The following LHPP variants were observed in gnomAD, a reference collection of about 807,000 sequenced individuals.
LHPP encodes hLHPP.
In LHPP, 24 loss-of-function variants were observed where a neutral mutation model predicts 30.3. The ratio of observed to expected loss-of-function variants is 0.79; its 90% confidence interval spans 0.57 to 1.11. The LOEUF (loss-of-function observed/expected upper bound fraction) is 1.11. LHPP is among the 50% of genes most tolerant of loss of function. LHPP has a pLI of 0.00. For missense variants in LHPP, 356 were observed against 367.2 expected, an observed-to-expected ratio of 0.97 and a Z score of 0.25; for synonymous variants, 150 against 157.1, an observed-to-expected ratio of 0.95 and a Z score of 0.34.
At chr10:124,462,099 C>T (rs1403259086) in intron 1 of LHPP, 112 bp downstream of exon 1, 3 of 999,244 alleles carry the variant, frequency 3.0e-6, no homozygotes, top group African/African-American at 3.4e-5. Context: ...GCAGGCCCCG[C>T]CTCGGTCTCC....
At chr10:124,606,060 G>A (rs1014109094) in intron 6 of LHPP, among the ~76,000 whole-genome samples, 1 of 152,182 alleles carries the variant, frequency 6.6e-6, no homozygotes, top group Non-Finnish European at 1.5e-5. Flanking sequence ...TACCTGGAGG[G>A]CCCACCCCAC....
chr10:124,570,987 G>A (rs923004581), intron 6 of LHPP, among the ~76,000 whole-genome samples: 1 of 152,196 alleles, frequency 6.6e-6, no homozygotes, highest in African/African-American at 2.4e-5. Flanking sequence ...TCTTTCCCAT[G>A]TTGTTCTGTT....
At chr10:124,503,448 C>G (rs1463781376) in intron 5 of LHPP, among the ~76,000 whole-genome samples, 3 of 152,042 alleles carry the variant, frequency 2.0e-5, no homozygotes, top group African/African-American at 7.3e-5. Flanking sequence ...GACACCCCTG[C>G]TCTAGAGGTT....
chr10:124,463,820 CTTTTTTTT>C (rs35122241), intron 1 of LHPP, among the ~76,000 whole-genome samples: 1 of 120,776 alleles, frequency 8.3e-6, no homozygotes, highest in African/African-American at 3.0e-5. Context: ...ATTTTTTTTT[CTTTTTTTT>C]TTTTTTTTTT....
At chr10:124,597,046 C>A (rs1218434759) in intron 6 of LHPP, among the ~76,000 whole-genome samples, 4 of 152,168 alleles carry the variant, frequency 2.6e-5, no homozygotes, top group African/African-American at 9.7e-5. Context: ...TGGCTTTCAT[C>A]CGTCTCCCGT....
At chr10:124,497,951 C>A in intron 4 of LHPP, 85 bp from the exon 5 acceptor site, 1 of 1,067,884 alleles carries the variant, frequency 9.4e-7, no homozygotes, top group Non-Finnish European at 1.5e-6. Context: ...CTCTTGGGGG[C>A]ACATTTGGGA....
At chr10:124,605,801 T>C (rs1031552639) in intron 6 of LHPP, among the ~76,000 whole-genome samples, 5 of 136,262 alleles carry the variant, frequency 3.7e-5, no homozygotes, top group Non-Finnish European at 7.7e-5. Context: ...CCACTCTGGC[T>C]GCAAAAGAGG....
chr10:124,466,709 G>A (rs1198651155), intron 1 of LHPP, among the ~76,000 whole-genome samples: 1 of 151,874 alleles, frequency 6.6e-6, no homozygotes, highest in Non-Finnish European at 1.5e-5. Flanking sequence ...TGCCCACCTT[G>A]GACTCCCAAA....
intron 6 of LHPP, among the ~76,000 whole-genome samples, chr10:124,557,764 C>G (rs1724523574): frequency 6.6e-6 from 1 of 152,052 alleles, no homozygotes; most frequent in Admixed American, 6.6e-5. Context: ...AAGCAGGGTA[C>G]AGAGCACACT....
Position 124,590,900 on chromosome 10 carries a change from A to C in LHPP, c.717-22364A>C, listed in dbSNP as rs189051541. On this transcript the variant is annotated intron_variant, in intron 6 of 6. Transcript: ENST00000368842. The surrounding 1 kb of genome is among the most constrained non-coding windows in gnomAD (Gnocchi z 4.3). ...GGATGGGACTGTGTCATTGGTAAAC[A>C]CTGCAACAGGCCTCCTTTCCAGGAA... 1.3e-5 allele frequency among the ~76,000 whole-genome samples: 2 copies of C among 152,328 alleles called. No individual in the cohort carries two copies. Among genetic ancestry groups the C allele is most frequent in the African/African-American group, 4.8e-5 (2 of 41,572 alleles).
intron 6 of LHPP, among the ~76,000 whole-genome samples, chr10:124,589,936 G>A (rs1948858421): frequency 6.6e-6 from 1 of 152,166 alleles, no homozygotes; most frequent in African/African-American, 2.4e-5. Context: ...CGGGGCTCGG[G>A]AGCTGTCAGC....
chr10:124,599,829 G>T (rs1564847751), intron 6 of LHPP, among the ~76,000 whole-genome samples: 1 of 152,230 alleles, frequency 6.6e-6, no homozygotes, highest in African/African-American at 2.4e-5. Flanking sequence ...CACTCTGGGG[G>T]TGCTCGTCCC....
At chr10:124,462,332 A>G (rs1408486503) in intron 1 of LHPP, among the ~76,000 whole-genome samples, 1 of 152,174 alleles carries the variant, frequency 6.6e-6, no homozygotes, top group Non-Finnish European at 1.5e-5. Flanking sequence ...GGTGGCTCGC[A>G]TCTGTGATTC....
intron 6 of LHPP, among the ~76,000 whole-genome samples, chr10:124,550,274 G>A (rs1456929987): frequency 1.3e-5 from 2 of 152,224 alleles, no homozygotes; most frequent in African/African-American, 4.8e-5. Context: ...GCAGCTGCGG[G>A]GCAGGGGGCT....
chr10:124,613,234 CACTG>C (rs1949225548), intron 6 of LHPP, 26 bp from the exon 7 acceptor site: 3 of 1,539,188 alleles, frequency 1.9e-6, no homozygotes, highest in Non-Finnish European at 2.7e-6. Context: ...AGCGTGGGGG[CACTG>C]ACTAACCTCC....
Position 124,472,334 on chromosome 10 carries a change from A to C in LHPP, c.125+10347A>C, listed in dbSNP as rs540648253. Among the ~76,000 whole-genome samples the C allele has an allele frequency of 1.0e-3, 154 of 152,286 alleles. 1 individual carries two copies. Among genetic ancestry groups the C allele is most frequent in the African/African-American group, 3.1e-3 (128 of 41,556 alleles). ...TCTCAAAAAAAATGTTGAGGTCTGC[A>C]GCAGTGAACCACACAACACAGTTTA... On this transcript the variant is annotated intron_variant, in intron 1 of 6. Coordinates refer to ENST00000368842, the MANE Select transcript of LHPP (RefSeq NM_022126.4).
At chr10:124,567,124 C>T (rs984351165) in intron 6 of LHPP, among the ~76,000 whole-genome samples, 11 of 152,242 alleles carry the variant, frequency 7.2e-5, no homozygotes, top group African/African-American at 1.4e-4. Context: ...AGCTCAGAGA[C>T]GGGCTCTTGC....
chr10:124,477,421 C>T (rs1486947057), intron 1 of LHPP, among the ~76,000 whole-genome samples: 3 of 152,144 alleles, frequency 2.0e-5, no homozygotes, highest in Admixed American at 6.5e-5. Context: ...CAATGTGGCC[C>T]CAGAGGCAGG....
intron 4 of LHPP, among the ~76,000 whole-genome samples, chr10:124,497,284 C>T (rs1953751490): frequency 1.5e-5 from 1 of 67,164 alleles, no homozygotes. Context: ...TCCTCCCCAT[C>T]CTCCCCATCC....
Sources: allele counts gnomAD v4.1 joint callset (sites outside exome capture counted in the v4.1 genomes callset), GRCh38; gene constraint gnomAD v4.1.1; non-coding constraint Gnocchi (gnomAD v3.1); transcripts MANE v1.5; gene names NCBI Gene and HGNC (gene_info 2026-07-23, HGNC 2026-07-21).